The following KLF8 variants were observed in gnomAD, a reference collection of about 807,000 sequenced individuals.
KLF8 encodes the protein Krueppel-like factor 8.
Under a neutral mutation model 18.2 loss-of-function variants are expected in KLF8, and 10 were observed. The ratio of observed to expected loss-of-function variants is 0.55; its 90% CI spans 0.34 to 0.93. The LOEUF is 0.93. Among genes scored for constraint, KLF8 ranks in the 40% least tolerant of loss-of-function variants. KLF8 has a pLI of 0.02. For missense variants in KLF8, 264 were observed against 277.9 expected, an observed-to-expected ratio of 0.95 and a Z score of 0.36; for synonymous variants, 109 against 97.3, an observed-to-expected ratio of 1.12 and a Z score of -0.71.
At chrX:56,116,041 T>C in the KLF8 span, among the ~76,000 whole-genome samples, 1 of 113,183 alleles carries the variant, frequency 8.8e-6, no homozygotes, top group Non-Finnish European at 1.9e-5. Flanking sequence ...AGCTTTTGTA[T>C]AGAACAGCAT....
At chrX:56,096,455 G>A in the KLF8 span, among the ~76,000 whole-genome samples, 1 of 110,362 alleles carries the variant, frequency 9.1e-6, no homozygotes, top group African/African-American at 3.3e-5. Flanking sequence ...TTTTAAAAAT[G>A]GTATCTCAAG....
At chrX:56,036,699 A>AT in the KLF8 span, among the ~76,000 whole-genome samples, 1 of 111,227 alleles carries the variant, frequency 9.0e-6, no homozygotes, top group Non-Finnish European at 1.9e-5. Context: ...AGAATTTAAA[A>AT]TTTTTTTTCT....
chrX:56,282,601 C>T (rs1325790776), intron 5 of KLF8, among the ~76,000 whole-genome samples: 2 of 111,695 alleles, frequency 1.8e-5, no homozygotes, highest in South Asian at 3.8e-4. Context: ...ACAGTTTATG[C>T]AAGCCAGATT....
chrX:56,157,350 T>G, the KLF8 span, among the ~76,000 whole-genome samples: 1 of 109,663 alleles, frequency 9.1e-6, no homozygotes, highest in Non-Finnish European at 1.9e-5. Context: ...AAACCTTCAC[T>G]TTGTGTACAT....
the KLF8 span, among the ~76,000 whole-genome samples, chrX:55,932,435 C>T: frequency 1.8e-5 from 2 of 110,714 alleles, no homozygotes; most frequent in Admixed American, 9.7e-5. Flanking sequence ...TTATTTTGCC[C>T]GTTAGTTGAT....
chrX:56,091,420 G>C, the KLF8 span, among the ~76,000 whole-genome samples: 1 of 111,262 alleles, frequency 9.0e-6, no homozygotes, highest in African/African-American at 3.3e-5. Flanking sequence ...ACCCAGTCTC[G>C]GGTGTGTCTT....
intron 2 of KLF8, among the ~76,000 whole-genome samples, chrX:56,261,181 AT>A (rs1380022976): frequency 9.0e-6 from 1 of 111,478 alleles, no homozygotes; most frequent in Non-Finnish European, 1.9e-5. Context: ...CTCTTTTTAT[AT>A]TTTTTTGTCC....
chrX:56,066,243 C>G, the KLF8 span, among the ~76,000 whole-genome samples: 1 of 111,918 alleles, frequency 8.9e-6, no homozygotes, highest in Non-Finnish European at 1.9e-5. Context: ...GTTGGGTGTT[C>G]TTCAGTCTCC....
the KLF8 span, among the ~76,000 whole-genome samples, chrX:56,154,466 A>G: frequency 1.8e-5 from 2 of 111,993 alleles, no homozygotes; most frequent in African/African-American, 6.5e-5. Flanking sequence ...AGATGGATGA[A>G]AGACTTAAAT....
the KLF8 span, among the ~76,000 whole-genome samples, chrX:56,106,078 G>A: frequency 1.8e-5 from 2 of 111,304 alleles, no homozygotes; most frequent in Non-Finnish European, 1.9e-5. Context: ...GATTTTTACC[G>A]AGAGACAGCT....
chrX:56,116,119 T>G, the KLF8 span, among the ~76,000 whole-genome samples: 1 of 113,002 alleles, frequency 8.8e-6, no homozygotes, highest in African/African-American at 3.2e-5. Flanking sequence ...AGACTGCTTC[T>G]GCTCTAAAAT....
intron 1 of KLF8, among the ~76,000 whole-genome samples, chrX:56,244,376 T>C (rs1388141671): frequency 9.0e-6 from 1 of 110,836 alleles, no homozygotes; most frequent in Non-Finnish European, 1.9e-5. Flanking sequence ...TTGGTAGAGA[T>C]GGGGTCTCAC....
chrX:55,947,192 G>T, the KLF8 span, among the ~76,000 whole-genome samples: 6 of 110,879 alleles, frequency 5.4e-5, no homozygotes, highest in Non-Finnish European at 1.1e-4. Flanking sequence ...GCACACGTAT[G>T]TTTTTTGCAG....
chrX:56,085,909 C>T, the KLF8 span, among the ~76,000 whole-genome samples: 1 of 112,067 alleles, frequency 8.9e-6, no homozygotes, highest in Non-Finnish European at 1.9e-5. Context: ...GATATGCACA[C>T]TATCACTGCG....
chrX:56,156,894 A>G, the KLF8 span, among the ~76,000 whole-genome samples: 1 of 107,920 alleles, frequency 9.3e-6, no homozygotes, highest in Non-Finnish European at 1.9e-5. Context: ...AATGACATGA[A>G]CTCATCCTTG....
At chrX:56,218,303 C>T in the KLF8 span, among the ~76,000 whole-genome samples, 1 of 110,807 alleles carries the variant, frequency 9.0e-6, no homozygotes, top group African/African-American at 3.3e-5. Context: ...GGGAGCTGAG[C>T]CAAGAGGTCC....
intron 4 of KLF8, 36 bp downstream of exon 4, chrX:56,269,525 ATGTGTGTGTGTG>A: frequency 2.9e-6 from 3 of 1,039,122 alleles, no homozygotes; most frequent in South Asian, 5.1e-5. Flanking sequence ...GTCTTTGTGT[ATGTGTGTGTGTG>A]TGTGTGTGTG....
At chrX:55,963,671 G>C in the KLF8 span, among the ~76,000 whole-genome samples, 1,070 of 112,094 alleles carry the variant, frequency 9.5e-3, 12 homozygotes, top group African/African-American at 0.033. Flanking sequence ...CACAATTATA[G>C]TGAAAGGCTT....
At position 56,249,980 on chromosome X, in the gene KLF8, C is replaced by A. The variant is rs182272968; in HGVS notation, c.8-251C>A. On this transcript the variant is annotated intron_variant, in intron 1 of 5. Transcript: ENST00000468660. ...TACTGATGTTCCTCTGAAGGCAGAG[C>A]ATGTTGGAGAAATAGGAAGAAACAG... is the stretch of plus-strand genomic sequence containing the variant. Among the ~76,000 whole-genome samples the A allele has an allele frequency of 2.9e-3, 325 of 111,429 alleles. 1 individual carries two copies. The highest frequency in any genetic ancestry group is 4.2e-3 in the Non-Finnish European group (223 of 53,111).
Sources: allele counts gnomAD v4.1 joint callset (sites outside exome capture counted in the v4.1 genomes callset), GRCh38; gene constraint gnomAD v4.1.1; transcripts MANE v1.5; gene names NCBI Gene and HGNC (gene_info 2026-07-23, HGNC 2026-07-21).